MECOM: variants seen among roughly 807,000 people sequenced by gnomAD.
MECOM encodes the protein histone-lysine N-methyltransferase MECOM.
Under a neutral mutation model 116.3 loss-of-function variants are expected in MECOM, and 13 were observed. The observed-to-expected ratio is 0.11, with a 90% CI of 0.07 to 0.18. The LOEUF is 0.18. Ranked by LOEUF, MECOM falls within the 10% of genes least tolerant of loss-of-function variation. MECOM has a pLI of 1.00. For synonymous variants in MECOM, 528 were observed against 535.2 expected, an observed-to-expected ratio of 0.99 and a Z score of 0.19; for missense variants, 1,299 against 1,509.0, an observed-to-expected ratio of 0.86 and a Z score of 2.31.
At chr3:169,429,890 A>G (rs190716021) in intron 1 of MECOM, among the ~76,000 whole-genome samples, 1 of 152,348 alleles carries the variant, frequency 6.6e-6, no homozygotes, top group African/African-American at 2.4e-5. Flanking sequence ...ATAAATGCAG[A>G]ATCAGGTAGT....
At chr3:169,522,858 A>T (rs1379353996) in intron 1 of MECOM, among the ~76,000 whole-genome samples, 1 of 152,182 alleles carries the variant, frequency 6.6e-6, no homozygotes, top group Admixed American at 6.5e-5. Flanking sequence ...TGTTTTTAGT[A>T]ATTGATTTAC....
intron 1 of MECOM, among the ~76,000 whole-genome samples, chr3:169,509,831 T>C (rs1042466049): frequency 1.3e-5 from 2 of 152,182 alleles, no homozygotes; most frequent in African/African-American, 4.8e-5. Context: ...TGGTGTAGAG[T>C]ATCCGTTTGA....
chr3:169,478,154 A>T (rs1750766112), intron 1 of MECOM, among the ~76,000 whole-genome samples: 1 of 152,232 alleles, frequency 6.6e-6, no homozygotes, highest in South Asian at 2.1e-4. Flanking sequence ...AGAGACATCC[A>T]ATGGCTCTGA....
At chr3:169,278,948 A>G (rs1487560514) in intron 2 of MECOM, among the ~76,000 whole-genome samples, 1 of 152,226 alleles carries the variant, frequency 6.6e-6, no homozygotes, top group Non-Finnish European at 1.5e-5. Context: ...AATATGAACT[A>G]TGTTGCACTG....
chr3:169,316,532 T>A (rs933739508), intron 2 of MECOM, among the ~76,000 whole-genome samples: 1 of 152,118 alleles, frequency 6.6e-6, no homozygotes, highest in Non-Finnish European at 1.5e-5. Context: ...TTCACATATG[T>A]CAAACATTTG....
chr3:169,341,804 GAACAAT>G (rs1212292573), intron 2 of MECOM, among the ~76,000 whole-genome samples: 31 of 150,942 alleles, frequency 2.1e-4, no homozygotes, highest in Admixed American at 2.1e-3. Context: ...TGTCTATAAT[GAACAAT>G]AACTTAATTA....
At chr3:169,525,393 G>C (rs192060522) in intron 1 of MECOM, among the ~76,000 whole-genome samples, 1 of 152,212 alleles carries the variant, frequency 6.6e-6, no homozygotes, top group Non-Finnish European at 1.5e-5. Flanking sequence ...GCTCTGCTAT[G>C]TGAGTAAATC....
chr3:169,456,526 A>G (rs182853869), intron 1 of MECOM, among the ~76,000 whole-genome samples: 10 of 152,220 alleles, frequency 6.6e-5, no homozygotes, highest in Non-Finnish European at 1.3e-4. Flanking sequence ...TACTCTTGCC[A>G]TGAGAAAAGA....
At chr3:169,138,289 T>A (rs1736984024) in intron 3 of MECOM, among the ~76,000 whole-genome samples, 1 of 152,132 alleles carries the variant, frequency 6.6e-6, no homozygotes, top group Non-Finnish European at 1.5e-5. Flanking sequence ...GGTCACCCTC[T>A]CTTTCAACTT....
chr3:169,661,680 G>A (rs1008782014), intron 1 of MECOM, among the ~76,000 whole-genome samples: 1 of 152,172 alleles, frequency 6.6e-6, no homozygotes, highest in Non-Finnish European at 1.5e-5. Flanking sequence ...TCCAATGCCC[G>A]CGAAGCCGAG....
chr3:169,136,763 G>T lies in MECOM; in HGVS notation c.511-5232C>A, dbSNP rs56937450. Among the ~76,000 whole-genome samples the T allele has an allele frequency of 1.6e-3, 241 of 152,130 alleles. 1 individual carries two copies. Among genetic ancestry groups the T allele is most frequent in the African/African-American group, 5.6e-3 (232 of 41,544 alleles). ...ATGTTTGTATTGTTGAGACAGAAAAGTTCTGCACACAAGGGGGAAAATAAG... is the reference window on the plus strand; with the variant it reads ...ATGTTTGTATTGTTGAGACAGAAAATTTCTGCACACAAGGGGGAAAATAAG... On this transcript the variant is annotated intron_variant, in intron 3 of 16. Transcript: ENST00000651503.
intron 5 of MECOM, among the ~76,000 whole-genome samples, chr3:169,123,462 C>T (rs1321900817): frequency 6.6e-6 from 1 of 151,900 alleles, no homozygotes; most frequent in Non-Finnish European, 1.5e-5. Context: ...AGCATAGTTT[C>T]TCTGTTTTAA....
At chr3:169,632,250 T>C (rs1772186473) in intron 1 of MECOM, among the ~76,000 whole-genome samples, 1 of 152,242 alleles carries the variant, frequency 6.6e-6, no homozygotes, top group South Asian at 2.1e-4. Context: ...AAAATAAAGC[T>C]ATGTGAAAAA....
In MECOM at chr3:169,116,276, A is replaced by C. The variant is rs1427116698; in HGVS notation, c.1596T>G (p.Pro532=). The part of the protein sequence containing the change: ...NKSQSPLMTH[P]QILPATQDIL... ...TATCCTGTGTAGCTGGCAGTATCTGAGGATGTGTCATGAGGGGACTTTGAC... is the reference window on the plus strand; with the variant it reads ...TATCCTGTGTAGCTGGCAGTATCTGCGGATGTGTCATGAGGGGACTTTGAC... The change falls in exon 8 of 17, where the codon CCT becomes CCG. Residue 532 remains proline, a synonymous_variant. Transcript: ENST00000651503. 5 of 1,614,030 alleles carry C rather than the reference A, an allele frequency of 3.1e-6. No individual in the cohort carries two copies. The Admixed American group carries it at 8.3e-5, about 27-fold the overall frequency.
At chr3:169,209,810 T>A (rs1750472433) in intron 2 of MECOM, among the ~76,000 whole-genome samples, 1 of 152,260 alleles carries the variant, frequency 6.6e-6, no homozygotes, top group Admixed American at 6.5e-5. Context: ...TCCTCAAGTA[T>A]CTAGAACCAG....
intron 1 of MECOM, among the ~76,000 whole-genome samples, chr3:169,428,705 T>G (rs748498670): frequency 1.3e-5 from 2 of 152,206 alleles, no homozygotes; most frequent in Non-Finnish European, 2.9e-5. Flanking sequence ...CAAAATATCT[T>G]TTACCTCAAA....
rs564336922 is a variant in MECOM at position 169,088,152 on chromosome 3, ATACAAAATG to A, written c.3585+839_3585+847del. Among the ~76,000 whole-genome samples the A allele has an allele frequency of 4.0e-3, 611 of 152,336 alleles. 3 individuals are homozygous for A. The highest frequency in any genetic ancestry group is 0.016 in the South Asian group (79 of 4,828). ...ATGGTCACATTGCAGGTCAGGCCAC[ATACAAAATG>A]AACTAATGGATCAGGCAATTAGACC... On this transcript the variant is annotated intron_variant, in intron 16 of 16. Coordinates refer to ENST00000651503, the MANE Select transcript of MECOM (RefSeq NM_004991.4).
At chr3:169,416,033 C>T (rs1361046769) in intron 1 of MECOM, among the ~76,000 whole-genome samples, 1 of 152,194 alleles carries the variant, frequency 6.6e-6, no homozygotes, top group Non-Finnish European at 1.5e-5. Context: ...ACCTAATAGA[C>T]ATCTACAGAA....
chr3:169,371,610 G>A (rs143391913), intron 2 of MECOM, among the ~76,000 whole-genome samples: 3 of 151,782 alleles, frequency 2.0e-5, no homozygotes, highest in Non-Finnish European at 4.4e-5. Context: ...CAATGTATAT[G>A]TATATCAAAA....
Sources: allele counts gnomAD v4.1 joint callset (sites outside exome capture counted in the v4.1 genomes callset), GRCh38; gene constraint gnomAD v4.1.1; transcripts MANE v1.5; gene names NCBI Gene and HGNC (gene_info 2026-07-23, HGNC 2026-07-21).